Variants in AVEN observed in about 807,000 individuals in gnomAD.
AVEN encodes cell death regulator Aven.
AVEN carries 41 observed loss-of-function variants against 38.1 expected under a neutral mutation model. That is an observed-to-expected ratio of 1.08 (90% CI 0.84 to 1.40). The LOEUF (loss-of-function observed/expected upper bound fraction) is 1.40, where lower values mean the gene tolerates loss of function less well. Ranked by LOEUF, AVEN falls within the 40% of genes most tolerant of loss-of-function variation. The probability of loss-of-function intolerance (pLI) is 0.00; values close to 1 mark genes in which losing one functional copy is unlikely to be tolerated. For missense variants in AVEN, 605 were observed against 438.8 expected (o/e 1.38, Z -3.38); for synonymous variants, 206 against 171.8 (o/e 1.20, Z -1.56).
At chr15:34,064,356 C>A in intron 4 of AVEN, 4 of 1,564,590 alleles carry the variant, frequency 2.6e-6, no homozygotes, top group South Asian at 2.4e-5. Flanking sequence ...TGACCACAGT[C>A]AACATCCTCT....
chr15:33,937,955 AAAAGAAAG>A (rs1894156936), intron 2 of AVEN, among the ~76,000 whole-genome samples: 1 of 141,396 alleles, frequency 7.1e-6, no homozygotes, highest in Non-Finnish European at 1.6e-5. Flanking sequence ...AAAAAAAAAA[AAAAGAAAG>A]AGAAAAAGAA....
chr15:34,056,024 G>C (rs1171330819), intron 5 of AVEN, among the ~76,000 whole-genome samples: 2 of 152,070 alleles, frequency 1.3e-5, no homozygotes, highest in Non-Finnish European at 2.9e-5. Context: ...AGCCTAAGCA[G>C]GTATTGTTAT....
intron 5 of AVEN, among the ~76,000 whole-genome samples, chr15:34,060,965 G>A (rs1437894287): frequency 2.0e-5 from 3 of 150,880 alleles, no homozygotes; most frequent in African/African-American, 7.3e-5. Context: ...GCAGTGAGCC[G>A]AGATAGCGCC....
chr15:33,937,297 G>C (rs1894111876), intron 2 of AVEN, among the ~76,000 whole-genome samples: 1 of 151,814 alleles, frequency 6.6e-6, no homozygotes, highest in Non-Finnish European at 1.5e-5. Flanking sequence ...CACTTTGGGA[G>C]GCCGAGGCGG....
At chr15:34,007,729 C>G (rs542543916) in intron 1 of AVEN, among the ~76,000 whole-genome samples, 1 of 152,312 alleles carries the variant, frequency 6.6e-6, no homozygotes, top group East Asian at 1.9e-4. Flanking sequence ...TGGCTTAAAA[C>G]CACAGAAATG....
chr15:33,905,658 T>C (rs575758), intron 2 of AVEN, among the ~76,000 whole-genome samples: 130,562 of 151,786 alleles, frequency 0.86, 58,358 homozygotes, highest in Non-Finnish European at 0.98. Flanking sequence ...ACCCCTTCTC[T>C]ACAAAAAATA....
At chr15:33,968,498 T>C (rs1567439198) in intron 2 of AVEN, among the ~76,000 whole-genome samples, 1 of 152,110 alleles carries the variant, frequency 6.6e-6, no homozygotes, top group African/African-American at 2.4e-5. Context: ...CAGCTCTTCA[T>C]TCATGCCAAG....
intron 2 of AVEN, among the ~76,000 whole-genome samples, chr15:33,923,830 T>C (rs959485373): frequency 6.6e-6 from 1 of 151,698 alleles, no homozygotes; most frequent in Admixed American, 6.6e-5. Context: ...ACAAACTCTA[T>C]TGTGAACTGC....
chr15:33,852,557 G>A, the AVEN span: 1 of 156,496 alleles, frequency 6.4e-6, no homozygotes, highest in South Asian at 1.9e-4. Context: ...TAAACTAAAG[G>A]TGATTCCCAG....
intron 2 of AVEN, among the ~76,000 whole-genome samples, chr15:33,994,141 G>A (rs1742611665): frequency 6.6e-6 from 1 of 152,174 alleles, no homozygotes; most frequent in African/African-American, 2.4e-5. Flanking sequence ...GGTGAGTGGT[G>A]GGCAAGTGAG....
At chr15:33,865,271 A>G (rs1261733605), downstream of AVEN, 2 of 1,416,694 alleles carry the variant, frequency 1.4e-6, no homozygotes, top group Admixed American at 3.6e-5. Flanking sequence ...TCAACTTCCC[A>G]TGAAATAAAG....
chr15:33,952,253 A>G (rs1391387405), intron 2 of AVEN, among the ~76,000 whole-genome samples: 1 of 152,124 alleles, frequency 6.6e-6, no homozygotes, highest in Non-Finnish European at 1.5e-5. Context: ...AAAAAAAATC[A>G]CTCCAGGTTC....
intron 5 of AVEN, among the ~76,000 whole-genome samples, chr15:34,046,127 AT>A (rs2140814649): frequency 6.6e-6 from 1 of 152,338 alleles, no homozygotes; most frequent in East Asian, 1.9e-4. Context: ...TTCCTCAAAA[AT>A]AAGTTACCCT....
chr15:34,041,615 C>CT (rs1899479885), upstream of AVEN, among the ~76,000 whole-genome samples: 1 of 152,276 alleles, frequency 6.6e-6, no homozygotes, highest in South Asian at 2.1e-4. Context: ...CTCAGTAACA[C>CT]TTTTGAAAGG....
At chr15:33,941,258 A>G (rs1325464026) in intron 2 of AVEN, among the ~76,000 whole-genome samples, 1 of 152,218 alleles carries the variant, frequency 6.6e-6, no homozygotes, top group Non-Finnish European at 1.5e-5. Flanking sequence ...TTTTGCTGAA[A>G]ATTTGTTATT....
chr15:34,044,079 C>T (rs867425870), upstream of AVEN, among the ~76,000 whole-genome samples: 2 of 151,270 alleles, frequency 1.3e-5, no homozygotes, highest in South Asian at 2.1e-4. Context: ...GCTGTATTTT[C>T]GCCCTTTAAA....
intron 2 of AVEN, among the ~76,000 whole-genome samples, chr15:33,904,867 C>T (rs1423057170): frequency 1.3e-5 from 2 of 151,912 alleles, no homozygotes; most frequent in African/African-American, 2.4e-5. Flanking sequence ...TGGTGGCTCA[C>T]GCCTGTAATC....
rs759342559 is a variant in AVEN, at chr15:33,866,730, TG to T, written c.974-3del. The stretch of plus-strand genomic sequence containing the variant: ...CAGTCACAGATGGTTTTGCACAAAC[TG>T]GGGGAAAAAAAACAATGTTAACACC... On this transcript the variant is annotated splice_polypyrimidine_tract_variant and splice_region_variant and intron_variant, in intron 5 of 5. Coordinates refer to ENST00000306730, the MANE Select transcript of AVEN (RefSeq NM_020371.3). The T allele has an allele frequency of 2.5e-6, 4 of 1,606,988 alleles. No individual in the cohort carries two copies. The highest frequency in any genetic ancestry group is 2.7e-5 in the African/African-American group (2 of 74,604).
chr15:34,030,711 T>G (rs1898746890), intron 1 of AVEN, among the ~76,000 whole-genome samples: 4 of 152,034 alleles, frequency 2.6e-5, no homozygotes, highest in Admixed American at 2.6e-4. Flanking sequence ...CTCCAACTCC[T>G]GGGTTAAAAA....
Sources: allele counts gnomAD v4.1 joint callset (sites outside exome capture counted in the v4.1 genomes callset), GRCh38; gene constraint gnomAD v4.1.1; transcripts MANE v1.5; gene names NCBI Gene and HGNC (gene_info 2026-07-23, HGNC 2026-07-21).